NKAIN2: variants seen among roughly 807,000 people sequenced by gnomAD.
The protein encoded by NKAIN2 is sodium/potassium-transporting ATPase subunit beta-1-interacting protein 2.
NKAIN2 carries 14 observed loss-of-function variants against 32.6 expected under a neutral mutation model. That is an observed-to-expected ratio of 0.43 (90% confidence interval 0.28 to 0.67). The LOEUF is 0.67. Among genes scored for constraint, NKAIN2 ranks in the 30% least tolerant of loss-of-function variants. The probability of loss-of-function intolerance (pLI) is 0.17; values close to 1 mark genes in which losing one functional copy is unlikely to be tolerated. For missense variants in NKAIN2, 198 were observed against 258.3 expected (o/e 0.77, Z 1.60); for synonymous variants, 80 against 87.2 (o/e 0.92, Z 0.46).
chr6:124,248,042 A>T (rs1224025678), intron 1 of NKAIN2, among the ~76,000 whole-genome samples: 2 of 152,082 alleles, frequency 1.3e-5, no homozygotes, highest in Admixed American at 1.3e-4. Context: ...TTCTCCTTTA[A>T]ACTGATGAAG....
chr6:124,305,717 A>T (rs947375519), intron 2 of NKAIN2, among the ~76,000 whole-genome samples: 1 of 152,062 alleles, frequency 6.6e-6, no homozygotes, highest in Non-Finnish European at 1.5e-5. Flanking sequence ...TTTCTATCTT[A>T]TGTTCTTAGC....
intron 3 of NKAIN2, among the ~76,000 whole-genome samples, chr6:124,497,824 T>TAAAAAAAAAAAA (rs33913104): frequency 6.6e-5 from 7 of 105,690 alleles, no homozygotes; most frequent in African/African-American, 1.8e-4. Context: ...GAGTAAGGGG[T>TAAAAAAAAAAAA]AAAAAAAAAA....
chr6:124,353,873 G>T (rs1798846912), intron 2 of NKAIN2, among the ~76,000 whole-genome samples: 1 of 152,138 alleles, frequency 6.6e-6, no homozygotes, highest in South Asian at 2.1e-4. Flanking sequence ...TGGCTCAAAA[G>T]GTAACAAGGT....
At chr6:123,887,216 C>T (rs1352648849) in intron 1 of NKAIN2, among the ~76,000 whole-genome samples, 5 of 151,826 alleles carry the variant, frequency 3.3e-5, no homozygotes, top group African/African-American at 1.2e-4. Flanking sequence ...CAGTACTTTG[C>T]CTCTAAGCTG....
chr6:124,818,278 A>T, intron 5 of NKAIN2, 109 bp from the exon 6 acceptor site: 1 of 466,536 alleles, frequency 2.1e-6, no homozygotes, highest in Non-Finnish European at 3.9e-6. Context: ...TACTTTTAGA[A>T]GTTTAATAGA....
At chr6:123,932,406 C>CTT (rs57063550) in intron 1 of NKAIN2, among the ~76,000 whole-genome samples, 3 of 104,392 alleles carry the variant, frequency 2.9e-5, no homozygotes, top group African/African-American at 1.3e-4. Context: ...TTCTGTCTTT[C>CTT]TTTTTTTTTT....
intron 1 of NKAIN2, among the ~76,000 whole-genome samples, chr6:124,112,592 T>A (rs1785434577): frequency 6.6e-6 from 1 of 152,174 alleles, no homozygotes; most frequent in Admixed American, 6.6e-5. Flanking sequence ...TGGATATGGA[T>A]GTTCATTAAC....
chr6:124,061,575 C>T (rs934514690), intron 1 of NKAIN2, among the ~76,000 whole-genome samples: 2 of 152,134 alleles, frequency 1.3e-5, no homozygotes, highest in African/African-American at 4.8e-5. Flanking sequence ...AGAGTAAATG[C>T]AGAACTGTTC....
chr6:124,807,393 G>C (rs1366106506), intron 5 of NKAIN2, among the ~76,000 whole-genome samples: 160 of 127,916 alleles, frequency 1.3e-3, no homozygotes, highest in Middle Eastern at 4.0e-3. Flanking sequence ...ATGACTACTG[G>C]GTACATAACG....
At chr6:124,306,661 A>G (rs1583023668) in intron 2 of NKAIN2, among the ~76,000 whole-genome samples, 1 of 152,126 alleles carries the variant, frequency 6.6e-6, no homozygotes, top group Admixed American at 6.6e-5. Context: ...AGACATATAT[A>G]TTCATTTTCC....
At position 124,803,345 on chromosome 6, in the gene NKAIN2, GC is replaced by G. The variant is rs559517457; in HGVS notation, c.535+11947del. Among the ~76,000 whole-genome samples the G allele has an allele frequency of 4.5e-3, 692 of 152,252 alleles. 5 individuals are homozygous for G. Among genetic ancestry groups the G allele is most frequent in the African/African-American group, 0.016 (659 of 41,542 alleles). ...CTCTACAAAGTAATCCATCCACCAAGCTTTGGCCTATCATTCTGCCTGATCC... is the reference window on the plus strand; with the variant it reads ...CTCTACAAAGTAATCCATCCACCAAGTTTGGCCTATCATTCTGCCTGATCC... On this transcript the variant is annotated intron_variant, in intron 5 of 6. Coordinates refer to ENST00000368417, the MANE Select transcript of NKAIN2 (RefSeq NM_001040214.3).
intron 1 of NKAIN2, among the ~76,000 whole-genome samples, chr6:123,903,272 G>A (rs1028070330): frequency 3.9e-5 from 6 of 152,208 alleles, no homozygotes; most frequent in East Asian, 1.9e-4. Flanking sequence ...GGGAAGAGCC[G>A]TGAATCTAAA....
chr6:124,803,566 TTTAAC>T (rs1178161041), intron 5 of NKAIN2, among the ~76,000 whole-genome samples: 1 of 152,152 alleles, frequency 6.6e-6, no homozygotes, highest in East Asian at 1.9e-4. Context: ...TTTTTAAACA[TTTAAC>T]TTATTTTTTT....
At position 124,237,871 on chromosome 6, in the gene NKAIN2, G is replaced by A. The variant is rs139137040; in HGVS notation, c.55-45134G>A. Among the ~76,000 whole-genome samples the A allele has an allele frequency of 1.0e-3, 156 of 152,254 alleles. 1 individual carries two copies. Among genetic ancestry groups the A allele is most frequent in the African/African-American group, 3.6e-3 (151 of 41,552 alleles). ...CTATGATAGGGAGCACAGAAGAGCA[G>A]TTACACTGAGGAGAAAGATGATAGA... On this transcript the variant is annotated intron_variant, in intron 1 of 6. Transcript: ENST00000368417.
chr6:124,180,773 C>G (rs1027001472), intron 1 of NKAIN2, among the ~76,000 whole-genome samples: 1 of 152,144 alleles, frequency 6.6e-6, no homozygotes, highest in Non-Finnish European at 1.5e-5. Context: ...AAGCTCTGCC[C>G]CTGTGGCTTC....
intron 1 of NKAIN2, 26 bp from the exon 2 acceptor site, chr6:124,282,979 C>A: frequency 6.2e-7 from 1 of 1,610,850 alleles, no homozygotes. Context: ...ACATGCTGAT[C>A]TGTCCATCCT....
chr6:123,959,203 A>G (rs1392794941), intron 1 of NKAIN2, among the ~76,000 whole-genome samples: 1 of 152,184 alleles, frequency 6.6e-6, no homozygotes, highest in Non-Finnish European at 1.5e-5. Context: ...CTTTGGAACC[A>G]TTTAATCCGT....
At chr6:124,113,983 G>A (rs188232099) in intron 1 of NKAIN2, among the ~76,000 whole-genome samples, 146 of 152,194 alleles carry the variant, frequency 9.6e-4, no homozygotes, top group Non-Finnish European at 1.6e-3. Context: ...AGTTTTGTAG[G>A]CATATGTTTT....
chr6:124,091,024 T>G (rs1357812485), intron 1 of NKAIN2, among the ~76,000 whole-genome samples: 2 of 152,002 alleles, frequency 1.3e-5, no homozygotes, highest in African/African-American at 2.4e-5. Context: ...AATAATGTAT[T>G]ACATTTTAAG....
Sources: allele counts gnomAD v4.1 joint callset (sites outside exome capture counted in the v4.1 genomes callset), GRCh38; gene constraint gnomAD v4.1.1; transcripts MANE v1.5; gene names NCBI Gene and HGNC (gene_info 2026-07-23, HGNC 2026-07-21).